The following NUP188 variants were observed in gnomAD, a reference collection of about 807,000 sequenced individuals.
NUP188 encodes the protein nucleoporin NUP188.
In NUP188, 97 loss-of-function variants were observed where a neutral mutation model predicts 223.0. The observed-to-expected ratio is 0.43, with a 90% CI of 0.37 to 0.51. The LOEUF (loss-of-function observed/expected upper bound fraction) is 0.51. Among genes scored for constraint, NUP188 ranks in the 20% least tolerant of loss-of-function variants. The pLI is 0.00. For synonymous variants in NUP188, 869 were observed against 828.0 expected (o/e 1.05, Z -0.85); for missense variants, 1,947 against 2,175.6 (o/e 0.89, Z 2.09).
Position 129,005,141 on chromosome 9 carries a change from T to A in NUP188, c.4435-6T>A. 1 of 1,611,066 alleles carries A rather than the reference T, an allele frequency of 6.2e-7. No homozygotes were observed. Among genetic ancestry groups the A allele is most frequent in the Admixed American group, 1.7e-5 (1 of 60,014 alleles). On this transcript the variant is annotated splice_polypyrimidine_tract_variant and splice_region_variant and intron_variant, in intron 38 of 43. Transcript: ENST00000372577. Reference sequence around the variant, plus strand: ...AATCCGCTCATCTCTCCTGTGTCTCTCCCAGGTCAACCTGGGTTACTTGTG... The same window carrying A: ...AATCCGCTCATCTCTCCTGTGTCTCACCCAGGTCAACCTGGGTTACTTGTG...
chr9:128,966,851 A>T (rs1185963153), intron 8 of NUP188, among the ~76,000 whole-genome samples: 2 of 152,182 alleles, frequency 1.3e-5, no homozygotes, highest in African/African-American at 4.8e-5. Context: ...AGTAACCTAA[A>T]TGCTCATCCA....
intron 29 of NUP188, 78 bp downstream of exon 29, chr9:128,995,001 C>CTCTTCCAGCCA: frequency 9.4e-7 from 1 of 1,059,988 alleles, no homozygotes; most frequent in Non-Finnish European, 1.5e-6. Flanking sequence ...GGGTGCATGG[C>CTCTTCCAGCCA]TGGAAGAGCC....
Position 128,999,679 on chromosome 9 carries a change from A to G in NUP188, c.3717A>G (p.Gln1239=). The change falls in exon 34 of 44, where the codon CAA becomes CAG. Residue 1239 remains glutamine, a synonymous_variant. Transcript: ENST00000372577. Reference sequence around the variant, plus strand: ...TGCTGAATGTCTGTGAGACCCTCCAAGAGGAAGTGATTGCACTCTTCGACC... The same window carrying G: ...TGCTGAATGTCTGTGAGACCCTCCAGGAGGAAGTGATTGCACTCTTCGACC... ...QLVLNVCETL[Q]EEVIALFDQT... 6.2e-7 allele frequency: 1 copy of G among 1,614,062 alleles called. No homozygotes were observed. Among genetic ancestry groups the G allele is most frequent in the Non-Finnish European group, 8.5e-7 (1 of 1,180,020 alleles).
intron 19 of NUP188, among the ~76,000 whole-genome samples, chr9:128,984,245 G>A (rs1842299897): frequency 6.6e-6 from 1 of 151,108 alleles, no homozygotes; most frequent in Admixed American, 6.6e-5. Flanking sequence ...TCCTGCCTCA[G>A]CCTCCCAAGT....
chr9:128,964,284 G>T, intron 8 of NUP188: 1 of 387,042 alleles, frequency 2.6e-6, no homozygotes. Flanking sequence ...ATACAGTATT[G>T]TAAATATAAG....
intron 29 of NUP188, 53 bp from the exon 30 acceptor site, chr9:128,995,266 A>T: frequency 6.9e-7 from 1 of 1,440,834 alleles, no homozygotes; most frequent in Non-Finnish European, 9.8e-7. Flanking sequence ...TGTACCCATT[A>T]TATTCCCATC....
intron 6 of NUP188, among the ~76,000 whole-genome samples, chr9:128,958,383 C>G (rs1385067261): frequency 6.6e-6 from 1 of 152,022 alleles, no homozygotes; most frequent in Non-Finnish European, 1.5e-5. Flanking sequence ...CTTAGGATCT[C>G]GTGTTAAAAT....
At chr9:129,005,811 C>G in intron 41 of NUP188, 35 bp downstream of exon 41, 1 of 1,554,714 alleles carries the variant, frequency 6.4e-7, no homozygotes, top group Non-Finnish European at 8.7e-7. Flanking sequence ...TCCTCTCCCC[C>G]CGGCTCCTCC....
chr9:128,990,038 T>G, intron 24 of NUP188, 82 bp from the exon 25 acceptor site: 1 of 1,051,446 alleles, frequency 9.5e-7, no homozygotes, highest in Non-Finnish European at 1.5e-6. Flanking sequence ...ATACACACTG[T>G]GGGTCTTTTT....
In NUP188 at chr9:128,983,456, C is replaced by T; in HGVS notation, c.1885-18C>T. ...CCTGAAGATATGTGGGCATTTAACTCTTCCTTTTCCTTCTCAGGTCTGGAC... is the reference window on the plus strand; with the variant it reads ...CCTGAAGATATGTGGGCATTTAACTTTTCCTTTTCCTTCTCAGGTCTGGAC... On this transcript the variant is annotated intron_variant, in intron 18 of 43. Coordinates refer to ENST00000372577, the MANE Select transcript of NUP188 (RefSeq NM_015354.3). The T allele has an allele frequency of 6.2e-7, 1 of 1,613,706 alleles. No homozygotes were observed. The highest frequency in any genetic ancestry group is 8.5e-7 in the Non-Finnish European group (1 of 1,179,682).
In NUP188 at chr9:129,005,206, G is replaced by A. The variant is rs903414048; in HGVS notation, c.4494G>A (p.Leu1498=). ...CTSLLHSRKM[L]QHYLQNKNGD... is the part of the protein sequence containing the mutation. Reference sequence around the variant, plus strand: ...CTCTCCTGCACAGTCGAAAGATGCTGCAGCATTACTTACAGGTAAGCGTCC... The same window carrying A: ...CTCTCCTGCACAGTCGAAAGATGCTACAGCATTACTTACAGGTAAGCGTCC... Residue 1498 remains leucine (L), a synonymous_variant, in exon 39 of 44, where the codon CTG becomes CTA. Coordinates refer to ENST00000372577, the MANE Select transcript of NUP188 (RefSeq NM_015354.3). 1 of 1,613,984 alleles carries A rather than the reference G, an allele frequency of 6.2e-7. No homozygotes were observed. Among genetic ancestry groups the A allele is most frequent in the Admixed American group, 1.7e-5 (1 of 60,004 alleles).
chr9:128,954,276 A>G (rs1191099474), intron 3 of NUP188, among the ~76,000 whole-genome samples: 1 of 148,414 alleles, frequency 6.7e-6, no homozygotes, highest in African/African-American at 2.5e-5. Flanking sequence ...GTGCAGTGGC[A>G]CGATCTCGGC....
Position 128,979,328 on chromosome 9 carries a change from G to GT in NUP188, c.1269+2dup. ...TCTTCCGGAACTGTTCTGGGGAACA[G>GT]TAAGTATGTCAGAGAGAGTCACTGC... On this transcript the variant is annotated splice_donor_variant, in intron 13 of 43. Transcript: ENST00000372577. LOFTEE classifies it high-confidence loss of function. 6.2e-7 allele frequency: 1 copy of GT among 1,607,546 alleles called. No homozygotes were observed. The highest frequency in any genetic ancestry group is 8.5e-7 in the Non-Finnish European group (1 of 1,174,574).
At chr9:128,986,714 T>C (rs780395755) in intron 21 of NUP188, 36 bp downstream of exon 21, 2 of 1,614,012 alleles carry the variant, frequency 1.2e-6, no homozygotes. Flanking sequence ...CCTGGGGATT[T>C]CTGGCCCCAC....
intron 25 of NUP188, among the ~76,000 whole-genome samples, chr9:128,991,971 G>T (rs1218720909): frequency 4.2e-5 from 6 of 143,024 alleles, no homozygotes; most frequent in African/African-American, 1.6e-4. Context: ...GCAGTGGCGC[G>T]ATCTCGGCTC....
chr9:128,959,167 T>C, intron 8 of NUP188, 33 bp downstream of exon 8: 1 of 1,511,492 alleles, frequency 6.6e-7, no homozygotes, highest in Non-Finnish European at 8.9e-7. Flanking sequence ...TGTAACTTTT[T>C]TTTTTTAAGA....
chr9:128,994,785 TC>T, intron 28 of NUP188, 70 bp from the exon 29 acceptor site: 4 of 1,275,860 alleles, frequency 3.1e-6, no homozygotes, highest in Non-Finnish European at 4.6e-6. Context: ...CCTGCTCTGT[TC>T]CCTGTTTGAT....
Position 128,979,298 on chromosome 9 carries a change from C to A in NUP188, c.1240C>A (p.Pro414Thr). 6.2e-7 allele frequency: 1 copy of A among 1,612,372 alleles called. No homozygotes were observed. The highest frequency in any genetic ancestry group is 8.5e-7 in the Non-Finnish European group (1 of 1,178,812). ...TACAGCATGTGAAGTATTGGCCGAC[C>A]CTTCTCTTCCGGAACTGTTCTGGGG... Reference protein sequence around the residue: ...IDTACEVLADPSLPELFWGTE... With the variant: ...IDTACEVLADTSLPELFWGTE... Residue 414 changes from proline to threonine, a missense_variant, in exon 13 of 44, where the codon CCT (proline) becomes ACT (threonine). This residue lies in a region of NUP188 where 817 missense variants were observed against 865.8 expected (regional missense o/e 0.94). Transcript: ENST00000372577.
chr9:128,988,271 T>G (rs1015708571), intron 24 of NUP188, 85 bp downstream of exon 24: 1 of 1,456,652 alleles, frequency 6.9e-7, no homozygotes, highest in Non-Finnish European at 9.5e-7. Flanking sequence ...TAGGCAGTGT[T>G]TTTGGATGTC....
Sources: allele counts gnomAD v4.1 joint callset (sites outside exome capture counted in the v4.1 genomes callset), GRCh38; gene constraint gnomAD v4.1.1; regional missense constraint gnomAD v4.1.1; transcripts MANE v1.5; gene names NCBI Gene and HGNC (gene_info 2026-07-23, HGNC 2026-07-21).